Variants in CACNB4 observed in about 807,000 individuals in gnomAD.
The protein encoded by CACNB4 is calcium voltage-gated channel auxiliary subunit beta 4.
A neutral mutation model predicts 71.2 loss-of-function variants in CACNB4; 32 were observed. The ratio of observed to expected loss-of-function variants is 0.45; its 90% confidence interval spans 0.34 to 0.60. The LOEUF is 0.60. CACNB4 is among the 20% of genes least tolerant of loss of function. CACNB4 has a pLI of 0.01. For synonymous variants in CACNB4, 231 were observed against 236.9 expected (o/e 0.97, Z 0.23); for missense variants, 464 against 647.9 (o/e 0.72, Z 3.08).
rs1324709511 is a variant in CACNB4 at position 151,971,674 on chromosome 2, C to T, written c.148-88304G>A. ...CCATTGGCTTGAAGCTCTGTTCACA[C>T]CATCTTGGGTAACACATCACATTAT... is the stretch of plus-strand genomic sequence containing the variant. On this transcript the variant is annotated intron_variant, in intron 2 of 13. Coordinates refer to ENST00000539935, the MANE Select transcript of CACNB4 (RefSeq NM_000726.5). The T allele has an allele frequency of 5.7e-6, 4 of 699,310 alleles. No individual in the cohort carries two copies. The African/African-American group carries it at 7.0e-5, about 12-fold the overall frequency. 43.3% of individuals were successfully genotyped at this position (699,310 alleles called of 1,614,324 possible).
intron 2 of CACNB4, among the ~76,000 whole-genome samples, chr2:152,086,279 C>G (rs1169724465): frequency 6.6e-6 from 1 of 152,168 alleles, no homozygotes; most frequent in African/African-American, 2.4e-5. Context: ...ACATGAAAAA[C>G]AGAGCCTTCC....
intron 2 of CACNB4, among the ~76,000 whole-genome samples, chr2:152,087,363 C>T (rs1279103626): frequency 3.7e-5 from 5 of 135,100 alleles, no homozygotes; most frequent in African/African-American, 1.4e-4. Flanking sequence ...ACCTGGGAGG[C>T]GGAGGTTGCG....
intron 2 of CACNB4, among the ~76,000 whole-genome samples, chr2:152,041,565 A>G (rs1387446774): frequency 6.6e-6 from 1 of 152,238 alleles, no homozygotes; most frequent in Non-Finnish European, 1.5e-5. Context: ...AATCATTACC[A>G]TGAAAGTTCT....
chr2:151,864,388 T>C (rs1264937284), intron 9 of CACNB4, among the ~76,000 whole-genome samples: 6 of 152,256 alleles, frequency 3.9e-5, no homozygotes. Flanking sequence ...TGAGTTGTAT[T>C]AGTTTTCTGT....
chr2:151,849,668 A>C (rs972536413), intron 12 of CACNB4, among the ~76,000 whole-genome samples: 1 of 152,130 alleles, frequency 6.6e-6, no homozygotes, highest in Non-Finnish European at 1.5e-5. Flanking sequence ...TTGCTCATGG[A>C]GCCTGGGAGC....
intron 12 of CACNB4, among the ~76,000 whole-genome samples, chr2:151,848,472 G>A (rs1204524667): frequency 6.6e-6 from 1 of 152,228 alleles, no homozygotes; most frequent in Non-Finnish European, 1.5e-5. Flanking sequence ...ATGACTGGAA[G>A]AGGGCAGTGG....
intron 2 of CACNB4, among the ~76,000 whole-genome samples, chr2:151,899,070 G>T (rs745467588): frequency 2.0e-5 from 3 of 152,252 alleles, no homozygotes; most frequent in Non-Finnish European, 4.4e-5. Flanking sequence ...GACCCACAGT[G>T]CAGAAGAGGA....
chr2:151,959,250 T>C (rs762842351), intron 2 of CACNB4, among the ~76,000 whole-genome samples: 6 of 152,246 alleles, frequency 3.9e-5, no homozygotes, highest in Non-Finnish European at 8.8e-5. Flanking sequence ...TTCAAAACTA[T>C]ACATCTTCCA....
At chr2:151,855,184 G>C (rs1416140294) in intron 11 of CACNB4, 40 bp downstream of exon 11, 1 of 1,411,114 alleles carries the variant, frequency 7.1e-7, no homozygotes, top group East Asian at 2.3e-5. Flanking sequence ...ATTTTTAAAA[G>C]ATGCACTTCT....
intron 2 of CACNB4, among the ~76,000 whole-genome samples, chr2:151,978,392 A>C (rs897205965): frequency 1.3e-5 from 2 of 152,112 alleles, no homozygotes; most frequent in African/African-American, 4.8e-5. Flanking sequence ...GGCCCCATGC[A>C]CCCCATGTGA....
intron 2 of CACNB4, among the ~76,000 whole-genome samples, chr2:152,010,388 G>T (rs1291923803): frequency 6.6e-6 from 1 of 152,134 alleles, no homozygotes; most frequent in African/African-American, 2.4e-5. Flanking sequence ...AAGGCTTTGG[G>T]ACTTGAGATC....
chr2:152,011,020 G>A lies in CACNB4; in HGVS notation c.147+87310C>T, dbSNP rs139464235. 6.5e-3 allele frequency among the ~76,000 whole-genome samples: 983 copies of A among 152,300 alleles called. 9 individuals carry two copies. The highest frequency in any genetic ancestry group is 0.011 in the Non-Finnish European group (716 of 68,022). On this transcript the variant is annotated intron_variant, in intron 2 of 13. Transcript: ENST00000539935. ...TAGAAAAAGGAACAGACACCCTTGG[G>A]TGATCAAAGAAAACAGAAATAGGGT...
chr2:152,074,104 T>C (rs10930910), intron 2 of CACNB4, among the ~76,000 whole-genome samples: 96,337 of 151,844 alleles, frequency 0.63, 32,262 homozygotes, highest in East Asian at 0.85. Context: ...GAAAACAATG[T>C]TATGCAGTCA....
chr2:152,094,409 A>C (rs374304665), intron 2 of CACNB4, among the ~76,000 whole-genome samples: 4 of 152,356 alleles, frequency 2.6e-5, no homozygotes, highest in African/African-American at 9.6e-5. Context: ...GGGCCAGGCC[A>C]GGTATGACTT....
intron 12 of CACNB4, among the ~76,000 whole-genome samples, chr2:151,846,464 C>T (rs1432198944): frequency 1.3e-5 from 2 of 151,954 alleles, no homozygotes; most frequent in Non-Finnish European, 1.5e-5. Flanking sequence ...ATCTAGGAAG[C>T]TATTGAATAT....
chr2:151,848,463 T>C (rs957771413), intron 12 of CACNB4, among the ~76,000 whole-genome samples: 2 of 152,132 alleles, frequency 1.3e-5, no homozygotes, highest in Admixed American at 6.5e-5. Context: ...TCAAATAAAA[T>C]GACTGGAAGA....
At chr2:152,089,994 TAG>T (rs1229507646) in intron 2 of CACNB4, among the ~76,000 whole-genome samples, 1 of 152,184 alleles carries the variant, frequency 6.6e-6, no homozygotes, top group Non-Finnish European at 1.5e-5. Context: ...CACATGTCTG[TAG>T]AGTCTTCATG....
chr2:152,053,575 G>A (rs764454751), intron 2 of CACNB4, among the ~76,000 whole-genome samples: 38 of 147,798 alleles, frequency 2.6e-4, no homozygotes, highest in Non-Finnish European at 2.2e-4. Context: ...CCAGGCTAGA[G>A]TGCAGTGGTG....
intron 2 of CACNB4, among the ~76,000 whole-genome samples, chr2:151,950,915 C>A (rs1169372175): frequency 6.6e-6 from 1 of 152,146 alleles, no homozygotes; most frequent in African/African-American, 2.4e-5. Flanking sequence ...TCTAAATGTA[C>A]TAAATGCCAC....
Sources: allele counts gnomAD v4.1 joint callset (sites outside exome capture counted in the v4.1 genomes callset), GRCh38; gene constraint gnomAD v4.1.1; transcripts MANE v1.5; gene names NCBI Gene and HGNC (gene_info 2026-07-23, HGNC 2026-07-21).